The following MKLN1 variants were observed in gnomAD, a reference collection of about 807,000 sequenced individuals.
The protein encoded by MKLN1 is muskelin 1.
In MKLN1, 18 loss-of-function variants were observed where a neutral mutation model predicts 99.0. The ratio of observed to expected loss-of-function variants is 0.18; its 90% CI spans 0.13 to 0.27. The LOEUF (loss-of-function observed/expected upper bound fraction) is 0.27. Among genes scored for constraint, MKLN1 ranks in the 10% least tolerant of loss-of-function variants. MKLN1 has a pLI of 1.00. For synonymous variants in MKLN1, 288 were observed against 293.2 expected, an observed-to-expected ratio of 0.98 and a Z score of 0.18; for missense variants, 621 against 875.9, an observed-to-expected ratio of 0.71 and a Z score of 3.67.
Position 131,496,203 on chromosome 7 carries a change from T to C in MKLN1, c.*8475T>C, listed in dbSNP as rs1362500176. ...ACTCTTACCCCCTCTTCTGTGGCAATGTGGGGTCAGGGCCGTATCCTAAAG... is the reference window on the plus strand; with the variant it reads ...ACTCTTACCCCCTCTTCTGTGGCAACGTGGGGTCAGGGCCGTATCCTAAAG... On this transcript the variant is annotated 3_prime_UTR_variant, in exon 18 of 18. Transcript: ENST00000352689. 1.3e-5 allele frequency: 2 copies of C among 152,142 alleles called. No individual in the cohort carries two copies. Among genetic ancestry groups the C allele is most frequent in the Non-Finnish European group, 2.9e-5 (2 of 68,048 alleles). 9.4% of individuals were successfully genotyped at this position (152,142 alleles called of 1,614,324 possible).
intron 12 of MKLN1, 69 bp downstream of exon 12, chr7:131,445,972 C>T (rs1178061970): frequency 1.9e-6 from 2 of 1,035,378 alleles, no homozygotes; most frequent in Non-Finnish European, 2.7e-6. Flanking sequence ...AGTTCATTCT[C>T]TTTTCTTTCT....
chr7:131,447,241 A>T (rs551317908), intron 12 of MKLN1, among the ~76,000 whole-genome samples: 1 of 152,218 alleles, frequency 6.6e-6, no homozygotes, highest in South Asian at 2.1e-4. Context: ...GCAGCTTAGC[A>T]TGTGATTTAG....
Position 131,317,753 on chromosome 7 carries a change from GC to G in MKLN1, c.-178-57670del, listed in dbSNP as rs1438987415. ...ACATAGGCTCAAAATAAAGGGACGA[GC>G]AAATGGAAAGCAAAAAAAAAAAAAA... On this transcript the variant is annotated intron_variant, in intron 3 of 7. Transcript: ENST00000416992. Among the ~76,000 whole-genome samples, 4 of 89,578 alleles carry G rather than the reference GC, an allele frequency of 4.5e-5. No individual in the cohort carries two copies. The East Asian group carries it at 1.4e-3, about 32-fold the overall frequency. The allele number at this position is 89,578 out of a possible 152,430, so 58.8% of individuals were successfully genotyped here. A position where few individuals can be genotyped will look rare whatever the true frequency, so the allele number is the denominator to read the frequency against.
intron 4 of MKLN1, among the ~76,000 whole-genome samples, chr7:131,396,222 G>A (rs768015719): frequency 7.2e-5 from 11 of 152,066 alleles, no homozygotes; most frequent in Non-Finnish European, 8.8e-5. Context: ...ATAGGCGCAC[G>A]CCACCATGAC....
At chr7:131,377,751 G>A (rs548865184) in intron 2 of MKLN1, among the ~76,000 whole-genome samples, 2 of 152,194 alleles carry the variant, frequency 1.3e-5, no homozygotes, top group South Asian at 2.1e-4. Context: ...AAGCATCTAT[G>A]GAGTGCCAAA....
intron 3 of MKLN1, among the ~76,000 whole-genome samples, chr7:131,286,925 A>G (rs2116590807): frequency 6.6e-6 from 1 of 152,286 alleles, no homozygotes; most frequent in East Asian, 1.9e-4. Flanking sequence ...GGGAAACATA[A>G]CAAGGCCCCA....
At position 131,470,932 on chromosome 7, in the gene MKLN1, A is replaced by G; in HGVS notation, c.2019A>G (p.Glu673=). Residue 673 remains glutamate, a synonymous_variant, in exon 16 of 18, where the codon GAA becomes GAG. Coordinates refer to ENST00000352689, the MANE Select transcript of MKLN1 (RefSeq NM_013255.5). ...LYITVDHSDP[E]ETKEFQLLAS... ...TAACTGTGGATCATTCAGACCCAGA[A>G]GAGACAAAAGAGGTAAAGAAAGGTG... 1 of 1,595,814 alleles carries G rather than the reference A, an allele frequency of 6.3e-7. No individual in the cohort carries two copies. Among genetic ancestry groups the G allele is most frequent in the East Asian group, 2.2e-5 (1 of 44,720 alleles).
At chr7:131,328,942 C>T (rs1798981361) in intron 1 of MKLN1, among the ~76,000 whole-genome samples, 1 of 152,196 alleles carries the variant, frequency 6.6e-6, no homozygotes. Context: ...TCCAATTTTA[C>T]ATGCTAGTGG....
At chr7:131,369,553 C>T (rs1355195066) in intron 1 of MKLN1, among the ~76,000 whole-genome samples, 2 of 152,002 alleles carry the variant, frequency 1.3e-5, no homozygotes. Context: ...TTCTGTTGTT[C>T]ATCTTATTCT....
In MKLN1 at chr7:131,443,694, T is replaced by C. The variant is rs771055870; in HGVS notation, c.1387T>C (p.Phe463Leu). ...IQSRIGHCML[F>L]HSKNRCLYVF... ...GTCTCGAATAGGACACTGCATGTTA[T>C]TCCACTCAGTAAGAACATTCCGTAC... Residue 463 changes from phenylalanine to leucine, a missense_variant, in exon 11 of 18, where the codon TTC becomes CTC. Physicochemically the swap from Phe to Leu is conservative, Grantham distance 22. Coordinates refer to ENST00000352689, the MANE Select transcript of MKLN1 (RefSeq NM_013255.5). 6.2e-7 allele frequency: 1 copy of C among 1,603,422 alleles called. No homozygotes were observed. The highest frequency in any genetic ancestry group is 2.2e-5 in the East Asian group (1 of 44,816).
chr7:131,437,881 A>G lies in MKLN1; in HGVS notation c.1057A>G (p.Asn353Asp). Reference protein sequence around the residue: ...LGRYLDSSVRNSKSLKSDFYR... With the variant: ...LGRYLDSSVRDSKSLKSDFYR... Reference sequence around the variant, plus strand: ...GCGTTACTTGGATTCCTCTGTGAGGAACAGCAAATCTCTGAAAAGTGACTT... The same window carrying G: ...GCGTTACTTGGATTCCTCTGTGAGGGACAGCAAATCTCTGAAAAGTGACTT... Residue 353 changes from asparagine to aspartate, a missense_variant, in exon 10 of 18, where the codon AAC becomes GAC. This residue lies in a region of MKLN1 where 361 missense variants were observed against 540.8 expected (regional missense o/e 0.67). Coordinates refer to ENST00000352689, the MANE Select transcript of MKLN1 (RefSeq NM_013255.5). 6.2e-7 allele frequency: 1 copy of G among 1,613,884 alleles called. No individual in the cohort carries two copies. Among genetic ancestry groups the G allele is most frequent in the African/African-American group, 1.3e-5 (1 of 75,014 alleles).
intron 1 of MKLN1, among the ~76,000 whole-genome samples, chr7:131,344,001 C>A (rs1012488539): frequency 2.6e-5 from 4 of 151,930 alleles, no homozygotes; most frequent in African/African-American, 9.7e-5. Context: ...GCTTCAGATA[C>A]AATGGCATGT....
At chr7:131,286,387 G>A (rs1798132831) in intron 3 of MKLN1, among the ~76,000 whole-genome samples, 1 of 152,144 alleles carries the variant, frequency 6.6e-6, no homozygotes, top group South Asian at 2.1e-4. Flanking sequence ...TGATCTGCAA[G>A]CAGTTTCATC....
At chr7:131,331,494 TG>T (rs1254167201) in intron 1 of MKLN1, among the ~76,000 whole-genome samples, 3 of 152,044 alleles carry the variant, frequency 2.0e-5, no homozygotes. Context: ...GAGTTGAAAA[TG>T]TAAGAGGGGC....
chr7:131,371,628 A>G (rs1584663438), intron 1 of MKLN1, among the ~76,000 whole-genome samples: 1 of 152,162 alleles, frequency 6.6e-6, no homozygotes, highest in East Asian at 1.9e-4. Context: ...TTAGTGGTCC[A>G]TCTGCTCATT....
intron 8 of MKLN1, among the ~76,000 whole-genome samples, chr7:131,425,058 TATTTA>T (rs1247713743): frequency 2.0e-5 from 3 of 152,216 alleles, no homozygotes; most frequent in Admixed American, 6.5e-5. Context: ...TAACATGCAT[TATTTA>T]ATTTAATTTA....
At chr7:131,406,763 A>C (rs1391967818) in intron 6 of MKLN1, among the ~76,000 whole-genome samples, 3 of 152,050 alleles carry the variant, frequency 2.0e-5, no homozygotes, top group Non-Finnish European at 4.4e-5. Context: ...CCAGATTGAC[A>C]CTTACTTTCT....
At chr7:131,223,255 A>G (rs1390331428) in intron 3 of MKLN1, among the ~76,000 whole-genome samples, 1 of 152,202 alleles carries the variant, frequency 6.6e-6, no homozygotes, top group Admixed American at 6.5e-5. Context: ...CAACCAGTTC[A>G]GAGCTGTAGG....
chr7:131,276,881 C>G (rs959351714), intron 3 of MKLN1, among the ~76,000 whole-genome samples: 1 of 152,106 alleles, frequency 6.6e-6, no homozygotes, highest in Non-Finnish European at 1.5e-5. Flanking sequence ...TGTGACAAGC[C>G]TAGATGTGGT....
Sources: allele counts gnomAD v4.1 joint callset (sites outside exome capture counted in the v4.1 genomes callset), GRCh38; gene constraint gnomAD v4.1.1; regional missense constraint gnomAD v4.1.1; transcripts MANE v1.5; gene names NCBI Gene and HGNC (gene_info 2026-07-23, HGNC 2026-07-21).